Variants in RAB3GAP2 observed in about 807,000 individuals in gnomAD.
RAB3GAP2 encodes the protein RAB3 GTPase activating non-catalytic protein subunit 2, also known as rab3 GTPase-activating protein non-catalytic subunit.
RAB3GAP2 carries 87 observed loss-of-function variants against 185.3 expected under a neutral mutation model. The observed-to-expected ratio is 0.47, with a 90% CI of 0.39 to 0.56. The LOEUF (loss-of-function observed/expected upper bound fraction) is 0.56, where lower values mean the gene tolerates loss of function less well. Ranked by LOEUF, RAB3GAP2 falls within the 20% of genes least tolerant of loss-of-function variation. The pLI, the probability that RAB3GAP2 is intolerant of heterozygous loss-of-function variation, is 0.00. For synonymous variants in RAB3GAP2, 554 were observed against 576.1 expected (o/e 0.96, Z 0.55); for missense variants, 1,492 against 1,638.2 (o/e 0.91, Z 1.54).
At chr1:220,253,823 C>CAGAGGGGAAGATG (rs1659983846) in intron 1 of RAB3GAP2, 1 of 1,612,074 alleles carries the variant, frequency 6.2e-7, no homozygotes, top group African/African-American at 1.3e-5. Context: ...GAGCAGTATG[C>CAGAGGGGAAGATG]AGAGGGGAAG....
At chr1:220,263,141 G>T (rs1219200818) in intron 1 of RAB3GAP2, among the ~76,000 whole-genome samples, 1 of 151,602 alleles carries the variant, frequency 6.6e-6, no homozygotes, top group Non-Finnish European at 1.5e-5. Flanking sequence ...TTTAAATAGG[G>T]TTGATTTTTT....
chr1:220,162,196 ACCTTATC>A lies in RAB3GAP2; in HGVS notation c.3220_3225+1del. ...AGAAGTCAATACATGAAACTACCTTACCTTATCCATTAAGTATGTAGCAGCAGAAAAT... is the reference window on the plus strand; with the variant it reads ...AGAAGTCAATACATGAAACTACCTTACATTAAGTATGTAGCAGCAGAAAAT... On this transcript the variant is annotated splice_donor_variant and coding_sequence_variant, in exon 28 of 35. Transcript: ENST00000358951. LOFTEE classifies it high-confidence loss of function. 6.4e-7 allele frequency: 1 copy of A among 1,551,020 alleles called. No individual in the cohort carries two copies. The highest frequency in any genetic ancestry group is 8.9e-7 in the Non-Finnish European group (1 of 1,122,888).
intron 13 of RAB3GAP2, 101 bp from the exon 14 acceptor site, chr1:220,191,385 A>T (rs1466241163): frequency 1.4e-6 from 1 of 699,160 alleles, no homozygotes; most frequent in Non-Finnish European, 2.5e-6. Flanking sequence ...GGGGTGGGGT[A>T]AGAAAAGCTA....
At chr1:220,252,883 G>A (rs553491321) in intron 1 of RAB3GAP2, among the ~76,000 whole-genome samples, 1 of 152,306 alleles carries the variant, frequency 6.6e-6, no homozygotes, top group African/African-American at 2.4e-5. Context: ...TAAGAAGGGG[G>A]CTGATTCCAG....
At chr1:220,249,077 C>G (rs181690405) in intron 1 of RAB3GAP2, among the ~76,000 whole-genome samples, 13 of 152,252 alleles carry the variant, frequency 8.5e-5, no homozygotes, top group Non-Finnish European at 1.6e-4. Flanking sequence ...AAGTGGGGTG[C>G]TGCCATAAGG....
At position 220,148,387 on chromosome 1, in the gene RAB3GAP2, A is replaced by C. The variant is rs779025718; in HGVS notation, c.*2864T>G. The C allele has an allele frequency of 6.6e-6, 1 of 152,268 alleles. No individual in the cohort carries two copies. The highest frequency in any genetic ancestry group is 1.5e-5 in the Non-Finnish European group (1 of 68,048). 9.4% of individuals were successfully genotyped at this position (152,268 alleles called of 1,614,324 possible). On this transcript the variant is annotated 3_prime_UTR_variant, in exon 35 of 35. Coordinates refer to ENST00000358951, the MANE Select transcript of RAB3GAP2 (RefSeq NM_012414.4). The stretch of plus-strand genomic sequence containing the variant: ...GTATATACAGAATTTCACTACTTAC[A>C]GTACATTACAATAGAGAAAGCATTT...
In RAB3GAP2 at chr1:220,182,613, T is replaced by C. The variant is rs1020571112; in HGVS notation, c.2212+105A>G. The C allele has an allele frequency of 9.4e-5, 114 of 1,217,264 alleles. No individual in the cohort carries two copies. In the African/African-American group the frequency reaches 1.6e-3, roughly 17 times the overall value. The allele number at this position is 1,217,264 out of a possible 1,614,324, so 75.4% of individuals were successfully genotyped here. A position where few individuals can be genotyped will look rare whatever the true frequency, so the allele number is the denominator to read the frequency against. On this transcript the variant is annotated intron_variant, in intron 20 of 34. Transcript: ENST00000358951. ...AATACAGTACATTAAATCCTTTCAT[T>C]ATTTAAATTTCAAAACAAATGGAAT...
intron 18 of RAB3GAP2, among the ~76,000 whole-genome samples, chr1:220,184,557 C>T (rs888582302): frequency 1.3e-5 from 2 of 151,574 alleles, no homozygotes; most frequent in African/African-American, 4.8e-5. Context: ...ACTGATAATC[C>T]CCTCAAAATC....
At chr1:220,182,465 G>A (rs1044960053) in intron 20 of RAB3GAP2, 111 bp from the exon 21 acceptor site, 16 of 1,146,956 alleles carry the variant, frequency 1.4e-5, no homozygotes, top group South Asian at 8.8e-5. Flanking sequence ...TATGAAGGAA[G>A]AGAAATTAAT....
At position 220,151,253 on chromosome 1, in the gene RAB3GAP2, A is replaced by G; in HGVS notation, c.4180T>C (p.Ter1394ArgextTer11). Residue 1394 changes from the stop codon to arginine (R), a stop_lost, in exon 35 of 35, where the codon TGA becomes CGA. Coordinates refer to ENST00000358951, the MANE Select transcript of RAB3GAP2 (RefSeq NM_012414.4). ...AGACTATTTCCAGTAGGTAAGTGTCATAAAGAAGGAAGAGATATGGCTTCC... is the reference window on the plus strand; with the variant it reads ...AGACTATTTCCAGTAGGTAAGTGTCGTAAAGAAGGAAGAGATATGGCTTCC... ...AVEAISLPSL[*>R] is the part of the protein sequence containing the mutation. 1 of 1,613,628 alleles carries G rather than the reference A, an allele frequency of 6.2e-7. No homozygotes were observed. The highest frequency in any genetic ancestry group is 8.5e-7 in the Non-Finnish European group (1 of 1,179,672).
In RAB3GAP2 at chr1:220,191,182, G is replaced by T. The variant is rs1468198640; in HGVS notation, c.1373C>A (p.Pro458Gln). 2.5e-6 allele frequency: 4 copies of T among 1,613,876 alleles called. No individual in the cohort carries two copies. Among genetic ancestry groups the T allele is most frequent in the Non-Finnish European group, 3.4e-6 (4 of 1,179,914 alleles). Residue 458 changes from proline (P) to glutamine (Q), a missense_variant, in exon 14 of 35, where the codon CCA becomes CAA. This residue lies in a region of RAB3GAP2 where 681 missense variants were observed against 689.1 expected (regional missense o/e 0.99). Coordinates refer to ENST00000358951, the MANE Select transcript of RAB3GAP2 (RefSeq NM_012414.4). ...CACAAGGAATTGAGCTACTCGACTT[G>T]GACCCTGAGAATTTCCAAAGGGGGA... is the stretch of plus-strand genomic sequence containing the variant. ...DFSPFGNSQG[P>Q]SRVAQFLVIY...
chr1:220,174,067 T>C (rs960502477), intron 21 of RAB3GAP2, among the ~76,000 whole-genome samples: 1 of 146,728 alleles, frequency 6.8e-6, no homozygotes, highest in Non-Finnish European at 1.5e-5. Flanking sequence ...ATTGGATCCA[T>C]GTTTATCAGA....
At chr1:220,235,500 C>T (rs771089691) in intron 1 of RAB3GAP2, among the ~76,000 whole-genome samples, 2 of 152,104 alleles carry the variant, frequency 1.3e-5, no homozygotes, top group Non-Finnish European at 2.9e-5. Context: ...ACCACAATCT[C>T]GAAAAGACCA....
chr1:220,167,951 T>C (rs536965269), intron 24 of RAB3GAP2, among the ~76,000 whole-genome samples: 1 of 152,218 alleles, frequency 6.6e-6, no homozygotes, highest in African/African-American at 2.4e-5. Flanking sequence ...ATAAACCATA[T>C]GCTTTCTAAG....
chr1:220,191,028 T>C (rs774481293), intron 14 of RAB3GAP2, 40 bp downstream of exon 14: 5 of 1,533,940 alleles, frequency 3.3e-6, no homozygotes, highest in Non-Finnish European at 3.6e-6. Flanking sequence ...TTCCTATATT[T>C]CATTTTGTAA....
chr1:220,233,868 T>G (rs1640909317), intron 1 of RAB3GAP2, among the ~76,000 whole-genome samples: 1 of 151,894 alleles, frequency 6.6e-6, no homozygotes, highest in East Asian at 1.9e-4. Flanking sequence ...GCCCGGCTGA[T>G]TTTTGTATTT....
intron 28 of RAB3GAP2, among the ~76,000 whole-genome samples, chr1:220,161,047 A>G (rs1657954891): frequency 6.6e-6 from 1 of 152,240 alleles, no homozygotes; most frequent in Non-Finnish European, 1.5e-5. Context: ...GTGAAACTAC[A>G]AATTGTAACA....
In RAB3GAP2 at chr1:220,184,143, C is replaced by T. The variant is rs761157075; in HGVS notation, c.1891G>A (p.Gly631Arg). 2.5e-5 allele frequency: 41 copies of T among 1,610,766 alleles called. No homozygotes were observed. The highest frequency in any genetic ancestry group is 3.0e-5 in the Non-Finnish European group (35 of 1,177,506). ...TTATTGGCACAAAACTGTAGCAATC[C>T]TTCATCAACAGACTCAAGTTCTAAA... ...KSQELESVDE[G>R]LLQFCANKLK... The change falls in exon 19 of 35, where the codon GGA (glycine) becomes AGA (arginine). Residue 631 changes from glycine to arginine, a missense_variant. By Grantham distance (125) the Gly-to-Arg change is moderately radical (BLOSUM62 -2). Transcript: ENST00000358951.
chr1:220,167,822 A>G, intron 24 of RAB3GAP2, 147 bp from the exon 25 acceptor site: 1 of 865,254 alleles, frequency 1.2e-6, no homozygotes. Flanking sequence ...TGAGATTTAC[A>G]GCAGTGTTCC....
Sources: gnomAD v4.1 joint callset for allele counts (sites outside exome capture counted in the v4.1 genomes callset) on GRCh38, gnomAD v4.1.1 for gene constraint, gnomAD v4.1.1 regional missense constraint, MANE v1.5 for transcripts, NCBI Gene and HGNC (gene_info 2026-07-23, HGNC 2026-07-21) for gene names.